Variants in TMEM53 observed in about 807,000 individuals in gnomAD.
TMEM53 encodes the protein novel DUF829 domain-containing protein.
Under a neutral mutation model 21.4 loss-of-function variants are expected in TMEM53, and 14 were observed. The observed-to-expected ratio is 0.65, with a 90% CI of 0.43 to 1.02. The LOEUF is 1.02. Ranked by LOEUF, TMEM53 falls within the 50% of genes least tolerant of loss-of-function variation. The probability of loss-of-function intolerance (pLI) is 0.00; values close to 1 mark genes in which losing one functional copy is unlikely to be tolerated. For synonymous variants in TMEM53, 148 were observed against 157.4 expected (o/e 0.94, Z 0.45); for missense variants, 323 against 383.6 (o/e 0.84, Z 1.32).
rs531648166 is a variant in TMEM53 at position 44,669,066 on chromosome 1, G to A, written c.61+5265C>T. ...TTAAATATGATAATAGCTATAGAGG[G>A]CTTATCATGGTGCCTGGCAGAAGGA... On this transcript the variant is annotated intron_variant, in intron 1 of 2. Coordinates refer to ENST00000372237, the MANE Select transcript of TMEM53 (RefSeq NM_024587.4). Among the ~76,000 whole-genome samples the A allele has an allele frequency of 5.3e-5, 8 of 152,280 alleles. No individual in the cohort carries two copies. The East Asian group carries it at 1.5e-3, about 29-fold the overall frequency.
At chr1:44,661,613 T>C (rs935786095) in intron 1 of TMEM53, among the ~76,000 whole-genome samples, 4 of 152,146 alleles carry the variant, frequency 2.6e-5, no homozygotes, top group African/African-American at 7.2e-5. Flanking sequence ...GAATAGCCTA[T>C]ATTTATTGAG....
chr1:44,654,776 G>C lies in TMEM53; in HGVS notation c.617C>G (p.Ala206Gly). The C allele has an allele frequency of 6.2e-7, 1 of 1,613,862 alleles. No homozygotes were observed. Among genetic ancestry groups the C allele is most frequent in the Non-Finnish European group, 8.5e-7 (1 of 1,179,992 alleles). ...GTAGAGCTCGGGCCAGCGAGAGCCC[G>C]CGTCCTGTAGCCTGTCATAGAAGTG... ...HTHFYDRLQD[A>G]GSRWPELYLY... The change falls in exon 3 of 3, where the codon GCG becomes GGG. Residue 206 changes from alanine to glycine, a missense_variant. By Grantham distance (60) the Ala-to-Gly change is moderately conservative. This residue lies in a region of TMEM53 where 269 missense variants were observed against 334.5 expected (regional missense o/e 0.80). Transcript: ENST00000372237. This position sits in a 1 kb window ranked among gnomAD's most constrained non-coding sequence, Gnocchi z 7.0.
rs1394145279 is a variant in TMEM53 at position 44,653,932 on chromosome 1, CTTAAATT to C, written c.*620_*626del. On this transcript the variant is annotated 3_prime_UTR_variant, in exon 3 of 3. Transcript: ENST00000372237. ...TAGAGGTCTGCCGTGCACATAATCT[CTTAAATT>C]TTAAGTATCGTACACACTTACAATT... is the stretch of plus-strand genomic sequence containing the variant. 6.6e-6 allele frequency: 1 copy of C among 152,282 alleles called. No homozygotes were observed. The highest frequency in any genetic ancestry group is 1.5e-5 in the Non-Finnish European group (1 of 68,094). The allele number at this position is 152,282 out of a possible 1,614,324, so 9.4% of individuals were successfully genotyped here. A position where few individuals can be genotyped will look rare whatever the true frequency, so the allele number is the denominator to read the frequency against.
chr1:44,671,978 C>T (rs968249910), intron 1 of TMEM53, among the ~76,000 whole-genome samples: 7 of 152,324 alleles, frequency 4.6e-5, no homozygotes, highest in Admixed American at 2.0e-4. Flanking sequence ...TATGAATGTC[C>T]TATACACTTC....
rs2148527346 is a variant in TMEM53 at position 44,654,285 on chromosome 1, C to A, written c.*274G>T. The A allele has an allele frequency of 2.3e-6, 1 of 440,352 alleles. No homozygotes were observed. The highest frequency in any genetic ancestry group is 4.1e-6 in the Non-Finnish European group (1 of 244,578). 27.3% of individuals were successfully genotyped at this position (440,352 alleles called of 1,614,324 possible). Reference sequence around the variant, plus strand: ...ACAGCCTGCATGCCACAGGAATCAGCAGCCTGACTGTTGCACTTGTCCAAA... The same window carrying A: ...ACAGCCTGCATGCCACAGGAATCAGAAGCCTGACTGTTGCACTTGTCCAAA... On this transcript the variant is annotated 3_prime_UTR_variant, in exon 3 of 3. Coordinates refer to ENST00000372237, the MANE Select transcript of TMEM53 (RefSeq NM_024587.4). This position sits in a 1 kb window ranked among gnomAD's most constrained non-coding sequence, Gnocchi z 7.0.
chr1:44,674,249 G>A (rs554859619), intron 1 of TMEM53, 82 bp downstream of exon 1: 3 of 1,511,646 alleles, frequency 2.0e-6, no homozygotes, highest in Non-Finnish European at 2.7e-6. Flanking sequence ...GGCCGCATGA[G>A]GGGCGGGGCT....
chr1:44,665,499 G>T (rs548763383), intron 1 of TMEM53, among the ~76,000 whole-genome samples: 1 of 152,058 alleles, frequency 6.6e-6, no homozygotes, highest in African/African-American at 2.4e-5. Flanking sequence ...AGCTGGGCAC[G>T]GTGGTGGGGG....
At chr1:44,669,396 C>T (rs1644979090) in intron 1 of TMEM53, among the ~76,000 whole-genome samples, 1 of 152,186 alleles carries the variant, frequency 6.6e-6, no homozygotes, top group African/African-American at 2.4e-5. Flanking sequence ...ACACCCCTTT[C>T]TTTGTGCATG....
rs544699577 is a variant in TMEM53 at position 44,659,204 on chromosome 1, C to T, written c.183+970G>A. On this transcript the variant is annotated intron_variant, in intron 2 of 2. Transcript: ENST00000372237. ...AGGGCCACCACACACCTCAGTCAGG[C>T]GGGATGTGGACGTGGGTGAGTGGAG... 1.6e-4 allele frequency among the ~76,000 whole-genome samples: 24 copies of T among 152,286 alleles called. No homozygotes were observed. The East Asian group carries it at 4.3e-3, about 27-fold the overall frequency.
At chr1:44,673,689 A>G (rs558065887) in intron 1 of TMEM53, 1 of 265,610 alleles carries the variant, frequency 3.8e-6, no homozygotes, top group East Asian at 1.8e-4. Flanking sequence ...GATGGCCCCA[A>G]CAGCCCTATG....
chr1:44,669,549 C>A (rs139726798), intron 1 of TMEM53, among the ~76,000 whole-genome samples: 11 of 152,132 alleles, frequency 7.2e-5, no homozygotes, highest in African/African-American at 2.4e-4. Context: ...TACCTCCCCA[C>A]GAGCATCTGT....
intron 1 of TMEM53, among the ~76,000 whole-genome samples, chr1:44,667,124 T>C (rs1409266375): frequency 2.0e-5 from 3 of 152,078 alleles, no homozygotes; most frequent in Non-Finnish European, 4.4e-5. Flanking sequence ...ATTACAGGCA[T>C]GAGCCACCGC....
chr1:44,659,037 C>T (rs1241665896), intron 2 of TMEM53, among the ~76,000 whole-genome samples: 1 of 152,148 alleles, frequency 6.6e-6, no homozygotes. Context: ...CCAGACAAGC[C>T]GAGCCCAGTG....
At chr1:44,665,795 A>G (rs941230221) in intron 1 of TMEM53, among the ~76,000 whole-genome samples, 9 of 152,234 alleles carry the variant, frequency 5.9e-5, no homozygotes, top group African/African-American at 2.2e-4. Context: ...ACATATGAGT[A>G]AATCTTTGGA....
intron 1 of TMEM53, among the ~76,000 whole-genome samples, chr1:44,668,614 T>C (rs1272053553): frequency 6.6e-6 from 1 of 152,066 alleles, no homozygotes; most frequent in East Asian, 1.9e-4. Context: ...TAGTCATGGC[T>C]CACTGCAGCC....
intron 1 of TMEM53, among the ~76,000 whole-genome samples, chr1:44,669,378 T>C (rs150617274): frequency 6.6e-6 from 1 of 152,360 alleles, no homozygotes; most frequent in Admixed American, 6.5e-5. Flanking sequence ...ATAAAAATAC[T>C]TTAATGGACA....
chr1:44,658,990 C>T (rs1403476852), intron 2 of TMEM53, among the ~76,000 whole-genome samples: 1 of 152,194 alleles, frequency 6.6e-6, no homozygotes, highest in Non-Finnish European at 1.5e-5. Context: ...TCCTGGTCCC[C>T]CTGCCTGCCC....
rs144707748 is a variant in TMEM53, at chr1:44,655,002, G to A, written c.391C>T (p.Arg131Cys). 1.0e-3 allele frequency: 1,650 copies of A among 1,613,974 alleles called. 3 individuals carry two copies. Among genetic ancestry groups the A allele is most frequent in the South Asian group, 1.2e-3 (111 of 91,054 alleles). The change falls in exon 3 of 3, where the codon CGC becomes TGC. Residue 131 changes from arginine to cysteine, a missense_variant. By Grantham distance (180) the Arg-to-Cys change is radical. This residue lies in a region of TMEM53 where 269 missense variants were observed against 334.5 expected (regional missense o/e 0.80). Transcript: ENST00000372237. This position sits in a 1 kb window ranked among gnomAD's most constrained non-coding sequence, Gnocchi z 4.4. Reference protein sequence around the residue: ...RYVLELLQTRRFCRLRVVGTI... With the variant: ...RYVLELLQTRCFCRLRVVGTI... ...CCCACCACACGCAGGCGGCAGAAGCGACGGGTCTGCAGGAGCTCCAGCACG... is the reference window on the plus strand; with the variant it reads ...CCCACCACACGCAGGCGGCAGAAGCAACGGGTCTGCAGGAGCTCCAGCACG...
intron 1 of TMEM53, among the ~76,000 whole-genome samples, chr1:44,666,381 C>T (rs539751070): frequency 6.6e-6 from 1 of 152,318 alleles, no homozygotes; most frequent in South Asian, 2.1e-4. Context: ...ACTAGGGATA[C>T]ATCCAGGAGA....
Sources: gnomAD v4.1 joint callset for allele counts (sites outside exome capture counted in the v4.1 genomes callset) on GRCh38, gnomAD v4.1.1 for gene constraint, gnomAD v4.1.1 regional missense constraint, Gnocchi (gnomAD v3.1) non-coding constraint, MANE v1.5 for transcripts, NCBI Gene and HGNC (gene_info 2026-07-23, HGNC 2026-07-21) for gene names.